The following TBCD variants were observed in gnomAD, a reference collection of about 807,000 sequenced individuals.
The protein encoded by TBCD is tubulin-specific chaperone D.
A neutral mutation model predicts 169.3 loss-of-function variants in TBCD; 105 were observed. The observed-to-expected ratio is 0.62, with a 90% CI of 0.53 to 0.73. The LOEUF is 0.73. Among genes scored for constraint, TBCD ranks in the 30% least tolerant of loss-of-function variants. The pLI, the probability that TBCD is intolerant of heterozygous loss-of-function variation, is 0.00. For synonymous variants in TBCD, 700 were observed against 643.9 expected, an observed-to-expected ratio of 1.09 and a Z score of -1.32; for missense variants, 1,444 against 1,600.1, an observed-to-expected ratio of 0.90 and a Z score of 1.66.
chr17:82,900,681 G>T lies in TBCD; in HGVS notation c.1680G>T (p.Thr560=), dbSNP rs373657801. Residue 560 remains threonine (T), a synonymous_variant, in exon 18 of 39, where the codon ACG becomes ACT. Transcript: ENST00000355528. ...TTATTGCCGGCTTTCCTGAGTACAC[G>T]CAGCCAATGATAGACCACCTGGTTA... ...SVFIAGFPEY[T]QPMIDHLVTM... 1.6e-5 allele frequency: 26 copies of T among 1,613,836 alleles called. No individual in the cohort carries two copies. Among genetic ancestry groups the T allele is most frequent in the Non-Finnish European group, 2.1e-5 (25 of 1,179,872 alleles).
chr17:82,772,207 GGTGTGACCAAATGCTCT>G (rs1482397058), intron 5 of TBCD, among the ~76,000 whole-genome samples: 1 of 152,186 alleles, frequency 6.6e-6, no homozygotes, highest in Non-Finnish European at 1.5e-5. Flanking sequence ...GTTTCAAGGG[GGTGTGACCAAATGCTCT>G]GTGTAGCTCA....
intron 7 of TBCD, 107 bp downstream of exon 7, chr17:82,781,828 C>T (rs1422090844): frequency 1.1e-5 from 17 of 1,513,946 alleles, no homozygotes; most frequent in East Asian, 9.1e-5. Flanking sequence ...ATTGGAACCC[C>T]GTGGGATTGA....
intron 14 of TBCD, among the ~76,000 whole-genome samples, chr17:82,881,580 G>A (rs1207025243): frequency 6.6e-6 from 1 of 152,194 alleles, no homozygotes; most frequent in Non-Finnish European, 1.5e-5. Flanking sequence ...CTCTGCTTGA[G>A]CCTTGGGGTA....
chr17:82,938,195 A>AAGAAGGCCTTCGCTGGC (rs1227321894), intron 36 of TBCD, 59 bp downstream of exon 36: 1 of 1,545,524 alleles, frequency 6.5e-7, no homozygotes, highest in African/African-American at 1.4e-5. Context: ...CCTCAGTGAC[A>AAGAAGGCCTTCGCTGGC]AGAAGGCCTT....
At chr17:82,813,785 C>G (rs1360344079) in intron 12 of TBCD, among the ~76,000 whole-genome samples, 1 of 152,216 alleles carries the variant, frequency 6.6e-6, no homozygotes, top group Non-Finnish European at 1.5e-5. Flanking sequence ...CAGTACACGT[C>G]TGGAACTTGT....
At position 82,806,139 on chromosome 17, in the gene TBCD, AGTGCACG is replaced by A. The variant is rs2050943580; in HGVS notation, c.1087+131_1087+137del. ...GTCTGGCCACCCGTCCCCTTCGCTG[AGTGCACG>A]GTCACTGCCCGTCCTCTGGCTCCTG... On this transcript the variant is annotated intron_variant, in intron 10 of 38. Transcript: ENST00000355528. The surrounding 1 kb of genome is among the most constrained non-coding windows in gnomAD (Gnocchi z 5.1). The A allele has an allele frequency of 1.5e-6, 2 of 1,295,692 alleles. No homozygotes were observed. The highest frequency in any genetic ancestry group is 5.1e-5 in the East Asian group (2 of 39,260). The allele number at this position is 1,295,692 out of a possible 1,614,324, so 80.3% of individuals were successfully genotyped here. A position where few individuals can be genotyped will look rare whatever the true frequency, so the allele number is the denominator to read the frequency against.
chr17:82,752,649 C>T (rs1459856468), intron 1 of TBCD, among the ~76,000 whole-genome samples: 1 of 152,166 alleles, frequency 6.6e-6, no homozygotes, highest in Non-Finnish European at 1.5e-5. Context: ...GAAGCCTCTG[C>T]GGCCTCCCCG....
rs1379781798 is a variant in TBCD at position 82,833,633 on chromosome 17, C to T, written c.1318+18699C>T. On this transcript the variant is annotated intron_variant, in intron 13 of 38. Transcript: ENST00000355528. The surrounding 1 kb of genome is among the most constrained non-coding windows in gnomAD (Gnocchi z 4.7). The stretch of plus-strand genomic sequence containing the variant: ...GGAGGCATGGCCAGCAGCGCCTGCC[C>T]GTCCAGATGCACCACCAAATGGAAG... Among the ~76,000 whole-genome samples, 3 of 152,178 alleles carry T rather than the reference C, an allele frequency of 2.0e-5. No individual in the cohort carries two copies. Among genetic ancestry groups the T allele is most frequent in the East Asian group, 3.9e-4 (2 of 5,186 alleles).
chr17:82,882,913 C>T (rs971151118), intron 14 of TBCD, among the ~76,000 whole-genome samples: 4 of 152,128 alleles, frequency 2.6e-5, no homozygotes, highest in Admixed American at 6.5e-5. Context: ...ACGGTGTCCG[C>T]GCTGCCAGGC....
At chr17:82,783,724 T>C (rs1307515388) in intron 7 of TBCD, among the ~76,000 whole-genome samples, 1 of 152,198 alleles carries the variant, frequency 6.6e-6, no homozygotes, top group African/African-American at 2.4e-5. Context: ...TGTGGGTATT[T>C]TCCATATGCC....
rs752464161 is a variant in TBCD, at chr17:82,927,911, C to T, written c.2616C>T (p.Arg872=). The T allele has an allele frequency of 1.4e-5, 23 of 1,613,378 alleles. No homozygotes were observed. The Admixed American group carries it at 3.2e-4, about 22-fold the overall frequency. Residue 872 remains arginine (R), a synonymous_variant, in exon 30 of 39, where the codon CGC becomes CGT. Coordinates refer to ENST00000355528, the MANE Select transcript of TBCD (RefSeq NM_005993.5). ...DSRGDVGTWV[R]KAAMTSLMDL... ...CCTCTCCTTGTCCCATCAGGGTCCG[C>T]AAGGCCGCCATGACCAGTCTGATGG...
intron 25 of TBCD, 142 bp downstream of exon 25, chr17:82,921,719 T>C: frequency 1.4e-6 from 1 of 733,008 alleles, no homozygotes; most frequent in Non-Finnish European, 2.4e-6. Flanking sequence ...CATAATTCTA[T>C]TTGGAATCCC....
At chr17:82,845,123 G>C (rs994378756) in intron 13 of TBCD, among the ~76,000 whole-genome samples, 1 of 152,156 alleles carries the variant, frequency 6.6e-6, no homozygotes, top group Non-Finnish European at 1.5e-5. Context: ...CGGCCTCTGT[G>C]TCAGGGCCTC....
intron 16 of TBCD, among the ~76,000 whole-genome samples, chr17:82,892,606 A>G (rs2059219181): frequency 6.6e-6 from 1 of 152,092 alleles, no homozygotes; most frequent in South Asian, 2.1e-4. Context: ...TTGCGAAGCT[A>G]TTACATGAAG....
At position 82,884,560 on chromosome 17, in the gene TBCD, G is replaced by A. The variant is rs556937096; in HGVS notation, c.1533+358G>A. ...GCGAGGGTGGCCAGAATGTGGCGGC[G>A]GGACGGGTCACTCACCGGGTGGCTT... On this transcript the variant is annotated intron_variant, in intron 15 of 38. Coordinates refer to ENST00000355528, the MANE Select transcript of TBCD (RefSeq NM_005993.5). This position sits in a 1 kb window ranked among gnomAD's most constrained non-coding sequence, Gnocchi z 4.2. Among the ~76,000 whole-genome samples the A allele has an allele frequency of 2.1e-4, 32 of 152,314 alleles. No individual in the cohort carries two copies. The South Asian group carries it at 5.8e-3, about 28-fold the overall frequency.
In TBCD at chr17:82,811,759, G is replaced by A. The variant is rs78005702; in HGVS notation, c.1223+1977G>A. 6.7e-4 allele frequency among the ~76,000 whole-genome samples: 102 copies of A among 152,362 alleles called. 2 individuals are homozygous for A. In the East Asian group the frequency reaches 0.018, roughly 27 times the overall value. ...GCAGGATGTCTGAAGACACCAGGAA[G>A]CCAGGAGTTGCTGGGGTGTGGGGCG... On this transcript the variant is annotated intron_variant, in intron 12 of 38. Coordinates refer to ENST00000355528, the MANE Select transcript of TBCD (RefSeq NM_005993.5).
intron 17 of TBCD, among the ~76,000 whole-genome samples, chr17:82,896,449 G>C (rs1055721605): frequency 7.2e-6 from 1 of 138,710 alleles, no homozygotes; most frequent in Non-Finnish European, 1.5e-5. Context: ...TGGCTGTGCT[G>C]TCAGTTTTTT....
At chr17:82,921,377 A>T in intron 24 of TBCD, 124 bp from the exon 25 acceptor site, 1 of 795,216 alleles carries the variant, frequency 1.3e-6, no homozygotes, top group Non-Finnish European at 2.2e-6. Flanking sequence ...TGGCTTTTCC[A>T]CAGATTCCTC....
chr17:82,881,911 C>A (rs144859798), intron 14 of TBCD, among the ~76,000 whole-genome samples: 3 of 150,718 alleles, frequency 2.0e-5, no homozygotes, highest in Non-Finnish European at 3.0e-5. Flanking sequence ...GTCTCTCCCC[C>A]CTCTCCCCTC....
Sources: gnomAD v4.1 joint callset for allele counts (sites outside exome capture counted in the v4.1 genomes callset) on GRCh38, gnomAD v4.1.1 for gene constraint, Gnocchi (gnomAD v3.1) non-coding constraint, MANE v1.5 for transcripts, NCBI Gene and HGNC (gene_info 2026-07-23, HGNC 2026-07-21) for gene names.